PTPRD: variants seen among roughly 807,000 people sequenced by gnomAD.
PTPRD encodes the protein protein tyrosine phosphatase receptor type D.
In PTPRD, 34 loss-of-function variants were observed where a neutral mutation model predicts 214.5. That is an observed-to-expected ratio of 0.16 (90% CI 0.12 to 0.21). The LOEUF (loss-of-function observed/expected upper bound fraction) is 0.21. Ranked by LOEUF, PTPRD falls within the 10% of genes least tolerant of loss-of-function variation. PTPRD has a pLI of 1.00. For missense variants in PTPRD, 2,545 were observed against 2,398.7 expected (o/e 1.06, Z -1.27); for synonymous variants, 1,128 against 845.7 (o/e 1.33, Z -5.79).
intron 11 of PTPRD, among the ~76,000 whole-genome samples, chr9:8,900,206 T>C (rs1329778334): frequency 3.9e-5 from 6 of 152,168 alleles, no homozygotes; most frequent in African/African-American, 1.4e-4. Flanking sequence ...ATTACCTTGG[T>C]GAAAAAGCAC....
chr9:9,637,811 G>A (rs1177351988), intron 7 of PTPRD, among the ~76,000 whole-genome samples: 1 of 152,212 alleles, frequency 6.6e-6, no homozygotes. Flanking sequence ...GTGGGGCACT[G>A]TGTGGCAGTT....
intron 3 of PTPRD, among the ~76,000 whole-genome samples, chr9:10,221,513 ATAG>A (rs1441606023): frequency 5.9e-5 from 9 of 152,152 alleles, no homozygotes; most frequent in Non-Finnish European, 1.0e-4. Context: ...CAGTTGTGAA[ATAG>A]TAATATAAAA....
chr9:9,070,209 G>A (rs992345625), intron 10 of PTPRD, among the ~76,000 whole-genome samples: 1 of 152,148 alleles, frequency 6.6e-6, no homozygotes, highest in African/African-American at 2.4e-5. Flanking sequence ...CTTACACAGA[G>A]GTTGGAGAAG....
chr9:8,919,147 C>T (rs2154267773), intron 11 of PTPRD, among the ~76,000 whole-genome samples: 1 of 152,268 alleles, frequency 6.6e-6, no homozygotes, highest in East Asian at 1.9e-4. Flanking sequence ...AATCCCAGCA[C>T]TTTAGGAGGC....
At chr9:10,431,153 C>T (rs2154520596) in intron 2 of PTPRD, among the ~76,000 whole-genome samples, 1 of 151,988 alleles carries the variant, frequency 6.6e-6, no homozygotes, top group Middle Eastern at 3.4e-3. Flanking sequence ...TTTATTGATT[C>T]TCTCCTTTTA....
chr9:9,700,703 T>C (rs759833221), intron 7 of PTPRD, among the ~76,000 whole-genome samples: 13 of 152,122 alleles, frequency 8.5e-5, no homozygotes, highest in Non-Finnish European at 1.5e-4. Flanking sequence ...TAATTCCTTA[T>C]TGCTTATATA....
At chr9:10,250,824 A>T (rs986685547) in intron 3 of PTPRD, among the ~76,000 whole-genome samples, 1 of 151,880 alleles carries the variant, frequency 6.6e-6, no homozygotes, top group African/African-American at 2.4e-5. Flanking sequence ...ATGCATAAGT[A>T]TACATATTTA....
chr9:9,736,398 T>G (rs2098295456), intron 6 of PTPRD, among the ~76,000 whole-genome samples: 1 of 152,138 alleles, frequency 6.6e-6, no homozygotes, highest in Non-Finnish European at 1.5e-5. Context: ...AGTATTCCAT[T>G]GGATAAATAT....
intron 8 of PTPRD, among the ~76,000 whole-genome samples, chr9:9,493,806 A>G (rs182322290): frequency 1.3e-3 from 188 of 143,724 alleles, no homozygotes; most frequent in East Asian, 8.5e-3. Context: ...AAAAAAAAAA[A>G]AAAAGAAAAG....
At chr9:10,140,090 T>A (rs1012011747) in intron 3 of PTPRD, among the ~76,000 whole-genome samples, 11 of 151,880 alleles carry the variant, frequency 7.2e-5, no homozygotes, top group South Asian at 6.2e-4. Flanking sequence ...TCTCTTGATG[T>A]GAAGAAGCTC....
At chr9:9,671,573 C>A (rs867415344) in intron 7 of PTPRD, among the ~76,000 whole-genome samples, 51 of 152,120 alleles carry the variant, frequency 3.4e-4, no homozygotes, top group African/African-American at 1.2e-3. Context: ...TTGAATTGTA[C>A]TCCTATAATT....
intron 2 of PTPRD, among the ~76,000 whole-genome samples, chr9:10,364,600 A>G (rs1283229593): frequency 2.0e-5 from 3 of 149,300 alleles, no homozygotes; most frequent in Non-Finnish European, 4.4e-5. Context: ...ATTCTATCCA[A>G]CTATATCTTT....
chr9:9,885,205 A>C (rs147341693), intron 5 of PTPRD, among the ~76,000 whole-genome samples: 4 of 152,100 alleles, frequency 2.6e-5, no homozygotes, highest in African/African-American at 9.7e-5. Context: ...GAAATTAAAG[A>C]AGTATTAATA....
At chr9:8,782,596 CTT>C (rs35513651) in intron 11 of PTPRD, among the ~76,000 whole-genome samples, 6,538 of 117,396 alleles carry the variant, frequency 0.056, 360 homozygotes, top group African/African-American at 0.19. Flanking sequence ...ATACTTAACG[CTT>C]TTTTTTTTTT....
At chr9:10,170,729 T>C (rs1326159288) in intron 3 of PTPRD, among the ~76,000 whole-genome samples, 2 of 152,176 alleles carry the variant, frequency 1.3e-5, no homozygotes, top group African/African-American at 4.8e-5. Flanking sequence ...ATACAGTTAG[T>C]CACAACCTGT....
intron 12 of PTPRD, among the ~76,000 whole-genome samples, chr9:8,708,812 T>A (rs968528696): frequency 6.6e-6 from 1 of 151,336 alleles, no homozygotes; most frequent in Non-Finnish European, 1.5e-5. Flanking sequence ...ATTGCAGTAA[T>A]ACTCACATTA....
intron 35 of PTPRD, among the ~76,000 whole-genome samples, chr9:8,416,247 A>T (rs2093928292): frequency 6.6e-6 from 1 of 152,178 alleles, no homozygotes; most frequent in Non-Finnish European, 1.5e-5. Context: ...AAAAAACATG[A>T]AACAGTACTT....
At chr9:9,862,729 C>CCGGGGGGGG (rs2063051194) in intron 5 of PTPRD, among the ~76,000 whole-genome samples, 1 of 18,752 alleles carries the variant, frequency 5.3e-5, no homozygotes, top group Non-Finnish European at 1.7e-4. Flanking sequence ...TGGTGGGGGG[C>CCGGGGGGGG]GGGGGGGGGA....
In PTPRD at chr9:9,090,799, A is replaced by G; in HGVS notation, c.-142-72064T>C. The G allele has an allele frequency of 1.0e-5, 7 of 687,628 alleles. No homozygotes were observed. The South Asian group carries it at 1.1e-4, about 11-fold the overall frequency. 42.6% of individuals were successfully genotyped at this position (687,628 alleles called of 1,614,324 possible). A position where few individuals can be genotyped will look rare whatever the true frequency, so the allele number is the denominator to read the frequency against. On this transcript the variant is annotated intron_variant, in intron 10 of 45. Coordinates refer to ENST00000381196, the MANE Select transcript of PTPRD (RefSeq NM_002839.4). ...TTTAGCTGAGTTGCTGCATTCTTCA[A>G]ATAACTCTTAATGACATCTCAATGA...
Sources: allele counts gnomAD v4.1 joint callset (sites outside exome capture counted in the v4.1 genomes callset), GRCh38; gene constraint gnomAD v4.1.1; transcripts MANE v1.5; gene names NCBI Gene and HGNC (gene_info 2026-07-23, HGNC 2026-07-21).